WDFY3: variants seen among roughly 807,000 people sequenced by gnomAD.
The protein encoded by WDFY3 is WD repeat and FYVE domain-containing protein 3.
Under a neutral mutation model 409.6 loss-of-function variants are expected in WDFY3, and 66 were observed. The ratio of observed to expected loss-of-function variants is 0.16; its 90% CI spans 0.13 to 0.20. WDFY3 has a LOEUF of 0.20. Among genes scored for constraint, WDFY3 ranks in the 10% least tolerant of loss-of-function variants. The pLI, the probability that WDFY3 is intolerant of heterozygous loss-of-function variation, is 1.00. For synonymous variants in WDFY3, 1,521 were observed against 1,537.1 expected (o/e 0.99, Z 0.25); for missense variants, 3,031 against 4,298.1 (o/e 0.71, Z 8.24).
chr4:84,859,033 A>G (rs1760170961), intron 4 of WDFY3, among the ~76,000 whole-genome samples: 1 of 152,070 alleles, frequency 6.6e-6, no homozygotes, highest in South Asian at 2.1e-4. Flanking sequence ...GACACAGGAT[A>G]AAAAAGACAG....
chr4:84,766,232 T>C lies in WDFY3; in HGVS notation c.4970+20A>G. On this transcript the variant is annotated intron_variant, in intron 31 of 67. Coordinates refer to ENST00000295888, the MANE Select transcript of WDFY3 (RefSeq NM_014991.6). ...AGTAGTAGCAACTGGTATAATCACT[T>C]TTAAAAAAGATTTACTTACTGCAAA... The C allele has an allele frequency of 6.4e-7, 1 of 1,566,810 alleles. No individual in the cohort carries two copies. Among genetic ancestry groups the C allele is most frequent in the Non-Finnish European group, 8.6e-7 (1 of 1,156,806 alleles).
chr4:84,794,804 A>C, intron 20 of WDFY3, 67 bp from the exon 21 acceptor site: 2 of 1,518,690 alleles, frequency 1.3e-6, no homozygotes, highest in Non-Finnish European at 1.8e-6. Flanking sequence ...AGATGCCAAC[A>C]AAAGCAAATA....
intron 40 of WDFY3, among the ~76,000 whole-genome samples, chr4:84,738,249 C>T (rs954874026): frequency 6.6e-6 from 1 of 151,768 alleles, no homozygotes; most frequent in African/African-American, 2.4e-5. Flanking sequence ...TCAATCCATA[C>T]AAAGACTTCA....
Position 84,741,476 on chromosome 4 carries a change from G to A in WDFY3, c.6234+285C>T, listed in dbSNP as rs191573993. Among the ~76,000 whole-genome samples the A allele has an allele frequency of 1.9e-3, 291 of 152,054 alleles. 2 individuals are homozygous for A. Among genetic ancestry groups the A allele is most frequent in the African/African-American group, 6.7e-3 (279 of 41,478 alleles). ...ATTACAGGCGCGCACCAACATGCCTGGCTAATTTTTGTATTTTCAGCAGAG... is the reference window on the plus strand; with the variant it reads ...ATTACAGGCGCGCACCAACATGCCTAGCTAATTTTTGTATTTTCAGCAGAG... On this transcript the variant is annotated intron_variant, in intron 38 of 67. Coordinates refer to ENST00000295888, the MANE Select transcript of WDFY3 (RefSeq NM_014991.6).
chr4:84,802,513 C>T (rs1292654959), intron 16 of WDFY3, among the ~76,000 whole-genome samples: 1 of 151,946 alleles, frequency 6.6e-6, no homozygotes, highest in Admixed American at 6.6e-5. Flanking sequence ...CGTGATACAC[C>T]CGCCTCAGCC....
intron 3 of WDFY3, among the ~76,000 whole-genome samples, chr4:84,891,845 G>C (rs1347663761): frequency 6.6e-6 from 1 of 152,072 alleles, no homozygotes; most frequent in Non-Finnish European, 1.5e-5. Flanking sequence ...TATCTTAAGT[G>C]GCAACTGCAT....
chr4:84,779,470 T>C (rs1385060623), intron 26 of WDFY3, among the ~76,000 whole-genome samples: 1 of 151,796 alleles, frequency 6.6e-6, no homozygotes, highest in Non-Finnish European at 1.5e-5. Flanking sequence ...TGGAATGCAA[T>C]GGCGCAATCT....
At chr4:84,682,073 G>A (rs999048251) in intron 64 of WDFY3, among the ~76,000 whole-genome samples, 1 of 152,310 alleles carries the variant, frequency 6.6e-6, no homozygotes, top group Admixed American at 6.5e-5. Flanking sequence ...ACGCCCTCTA[G>A]GTCTGTTGTG....
intron 51 of WDFY3, among the ~76,000 whole-genome samples, chr4:84,711,482 G>A (rs1285942275): frequency 6.6e-6 from 1 of 152,036 alleles, no homozygotes; most frequent in African/African-American, 2.4e-5. Flanking sequence ...AACATATACA[G>A]AGCTCATGCT....
At chr4:84,770,400 C>A (rs943431352) in intron 30 of WDFY3, among the ~76,000 whole-genome samples, 39 of 152,164 alleles carry the variant, frequency 2.6e-4, no homozygotes, top group Non-Finnish European at 5.1e-4. Context: ...GTAAACATAA[C>A]TTTTACAGCA....
At chr4:84,726,712 G>A (rs1002478666) in intron 45 of WDFY3, 149 bp downstream of exon 45, 11 of 607,074 alleles carry the variant, frequency 1.8e-5, no homozygotes, top group African/African-American at 1.1e-4. Flanking sequence ...TGAAACCAAC[G>A]GTTCAACTCT....
At chr4:84,701,264 C>T (rs774632353) in intron 56 of WDFY3, among the ~76,000 whole-genome samples, 2 of 152,134 alleles carry the variant, frequency 1.3e-5, no homozygotes, top group Non-Finnish European at 2.9e-5. Flanking sequence ...AGGGTGAGCT[C>T]TAGGCATAAT....
At chr4:84,747,389 CCT>C (rs367556291) in intron 36 of WDFY3, among the ~76,000 whole-genome samples, 112 of 152,202 alleles carry the variant, frequency 7.4e-4, no homozygotes, top group African/African-American at 2.6e-3. Context: ...ACTGATTTTT[CCT>C]CTCTGAGTTA....
chr4:84,880,767 G>A (rs1578958093), intron 3 of WDFY3, among the ~76,000 whole-genome samples: 1 of 134,286 alleles, frequency 7.4e-6, no homozygotes, highest in Non-Finnish European at 1.6e-5. Context: ...ACCCAGGCTG[G>A]AGTGCAGTGA....
chr4:84,796,639 C>T lies in WDFY3; in HGVS notation c.3049G>A (p.Val1017Ile), dbSNP rs1167779741. 3.7e-6 allele frequency: 6 copies of T among 1,614,030 alleles called. No homozygotes were observed. In the Admixed American group the frequency reaches 1.0e-4, roughly 27 times the overall value. ...AGACACTTCACCCTGGTCAGGGGTA[C>T]AGTACTTCCTTCCGCAGATTTTACC... ...SLVKSAEGST[V>I]PLTRVKCLVS... Residue 1017 changes from valine to isoleucine, a missense_variant, in exon 19 of 68, where the codon GTA becomes ATA. Transcript: ENST00000295888.
In WDFY3 at chr4:84,774,988, G is replaced by A; in HGVS notation, c.4593-7C>T. ...GGCATTCTTTGAGGCTTCACTATAAGAGAAAGAAGATTTTATACACTGTAC... is the reference window on the plus strand; with the variant it reads ...GGCATTCTTTGAGGCTTCACTATAAAAGAAAGAAGATTTTATACACTGTAC... On this transcript the variant is annotated splice_region_variant and splice_polypyrimidine_tract_variant and intron_variant, in intron 28 of 67. Transcript: ENST00000295888. The A allele has an allele frequency of 1.2e-6, 2 of 1,613,398 alleles. No individual in the cohort carries two copies. Among genetic ancestry groups the A allele is most frequent in the Non-Finnish European group, 1.7e-6 (2 of 1,179,760 alleles).
chr4:84,704,763 T>C (rs565038402), intron 54 of WDFY3, among the ~76,000 whole-genome samples: 146 of 152,340 alleles, frequency 9.6e-4, no homozygotes, highest in African/African-American at 3.3e-3. Context: ...TATTGACTTA[T>C]AGTTTTTATT....
chr4:84,901,974 A>G (rs1446048282), intron 2 of WDFY3, among the ~76,000 whole-genome samples: 1 of 152,210 alleles, frequency 6.6e-6, no homozygotes, highest in Non-Finnish European at 1.5e-5. Context: ...AATTCAAGTT[A>G]TCTCAGAATA....
intron 67 of WDFY3, among the ~76,000 whole-genome samples, chr4:84,674,696 C>T (rs977600366): frequency 6.6e-5 from 10 of 150,528 alleles, no homozygotes; most frequent in African/African-American, 1.5e-4. Flanking sequence ...GGTGAAACCC[C>T]GTCTCTACTA....
Sources: allele counts gnomAD v4.1 joint callset (sites outside exome capture counted in the v4.1 genomes callset), GRCh38; gene constraint gnomAD v4.1.1; transcripts MANE v1.5; gene names NCBI Gene and HGNC (gene_info 2026-07-23, HGNC 2026-07-21).